NR5A1: variants seen among roughly 807,000 people sequenced by gnomAD.
The protein encoded by NR5A1 is steroidogenic factor 1.
Under a neutral mutation model 42.7 loss-of-function variants are expected in NR5A1, and 6 were observed. The ratio of observed to expected loss-of-function variants is 0.14; its 90% CI spans 0.08 to 0.28. The LOEUF (loss-of-function observed/expected upper bound fraction) is 0.28. NR5A1 is among the 10% of genes least tolerant of loss of function. The pLI, the probability that NR5A1 is intolerant of heterozygous loss-of-function variation, is 1.00. For synonymous variants in NR5A1, 274 were observed against 277.5 expected (o/e 0.99, Z 0.12); for missense variants, 442 against 626.4 (o/e 0.71, Z 3.14).
In NR5A1 at chr9:124,481,976, A is replaced by C. The variant is rs1454532840; in HGVS notation, c.*782T>G. Reference sequence around the variant, plus strand: ...AGCTTAAAAACAAAAAGCGGGGAGAAAAACCTCTTGACTACAACCTTGCAG... The same window carrying C: ...AGCTTAAAAACAAAAAGCGGGGAGACAAACCTCTTGACTACAACCTTGCAG... On this transcript the variant is annotated 3_prime_UTR_variant, in exon 7 of 7. Coordinates refer to ENST00000373588, the MANE Select transcript of NR5A1 (RefSeq NM_004959.5). The C allele has an allele frequency of 2.6e-5, 4 of 152,314 alleles. No individual in the cohort carries two copies. The allele number at this position is 152,314 out of a possible 1,614,324, so 9.4% of individuals were successfully genotyped here. A position where few individuals can be genotyped will look rare whatever the true frequency, so the allele number is the denominator to read the frequency against.
At position 124,503,414 on chromosome 9, in the gene NR5A1, C is replaced by CGGAGGGACAGCGGGTCAG; in HGVS notation, c.-15-22_-15-5dup. 1 of 1,596,002 alleles carries CGGAGGGACAGCGGGTCAG rather than the reference C, an allele frequency of 6.3e-7. No homozygotes were observed. Among genetic ancestry groups the CGGAGGGACAGCGGGTCAG allele is most frequent in the Non-Finnish European group, 8.5e-7 (1 of 1,172,426 alleles). On this transcript the variant is annotated splice_polypyrimidine_tract_variant and splice_region_variant and intron_variant, in intron 1 of 6. Coordinates refer to ENST00000373588, the MANE Select transcript of NR5A1 (RefSeq NM_004959.5). The surrounding 1 kb of genome is among the most constrained non-coding windows in gnomAD (Gnocchi z 9.6). ...AGTCCATGCCCGCGGCGTCCGCCTG[C>CGGAGGGACAGCGGGTCAG]GGAGGGACAGCGGGTCAGGGAGGGC...
chr9:124,495,626 C>T (rs146026198), intron 4 of NR5A1, among the ~76,000 whole-genome samples: 7 of 152,296 alleles, frequency 4.6e-5, no homozygotes, highest in African/African-American at 1.7e-4. Flanking sequence ...TGTCCCCCCG[C>T]CCCTCGCAGG....
At chr9:124,494,839 C>A (rs1413140155) in intron 4 of NR5A1, among the ~76,000 whole-genome samples, 1 of 152,222 alleles carries the variant, frequency 6.6e-6, no homozygotes, top group Non-Finnish European at 1.5e-5. Flanking sequence ...CACTCTCTAC[C>A]TGGGACCAGA....
intron 5 of NR5A1, 134 bp from the exon 6 acceptor site, chr9:124,491,362 AGCCTTGGTGCCGAGCC>A (rs1832306557): frequency 7.2e-6 from 5 of 696,054 alleles, no homozygotes; most frequent in Non-Finnish European, 1.2e-5. Flanking sequence ...AGGAGGGCCC[AGCCTTGGTGCCGAGCC>A]AGGCACGGGT....
intron 5 of NR5A1, among the ~76,000 whole-genome samples, chr9:124,491,980 C>A (rs1168601366): frequency 6.6e-6 from 1 of 152,136 alleles, no homozygotes. Context: ...AGACTGCAGG[C>A]ACCTGCGCTC....
At chr9:124,495,254 C>T (rs752352951) in intron 4 of NR5A1, among the ~76,000 whole-genome samples, 7 of 152,218 alleles carry the variant, frequency 4.6e-5, no homozygotes, top group Non-Finnish European at 8.8e-5. Flanking sequence ...GGGGCTGACT[C>T]GGCCATCTCT....
chr9:124,502,221 G>C (rs1486139967), intron 3 of NR5A1, among the ~76,000 whole-genome samples: 4 of 152,098 alleles, frequency 2.6e-5, no homozygotes, highest in African/African-American at 9.7e-5. Flanking sequence ...GGCACCTTCA[G>C]CTTGCCTGCA....
chr9:124,490,994 A>G, intron 6 of NR5A1, 87 bp downstream of exon 6: 1 of 1,517,858 alleles, frequency 6.6e-7, no homozygotes, highest in Non-Finnish European at 8.9e-7. Flanking sequence ...CTCTGGCCAC[A>G]GCAGGGCTAC....
chr9:124,493,059 C>T lies in NR5A1; in HGVS notation c.961G>A (p.Gly321Ser), dbSNP rs1832341180. The T allele has an allele frequency of 6.2e-7, 1 of 1,608,582 alleles. No homozygotes were observed. ...IYRQVQHGKEGSILLVTGQEV... is the reference protein window; with the variant it reads ...IYRQVQHGKESSILLVTGQEV... ...TGCCCGGTGACCAGCAGGATGCTGCCCTCCTTGCCGTGCTGGACCTGGCGG... is the reference window on the plus strand; with the variant it reads ...TGCCCGGTGACCAGCAGGATGCTGCTCTCCTTGCCGTGCTGGACCTGGCGG... Residue 321 changes from glycine to serine, a missense_variant, in exon 5 of 7, where the codon GGC becomes AGC. Physicochemically the swap from Gly to Ser is moderately conservative, Grantham distance 56. Around this residue, in one of 3 missense-constraint regions of NR5A1, gnomAD observed 163 missense variants for 265.8 expected, o/e 0.61. Transcript: ENST00000373588.
chr9:124,483,014 G>A lies in NR5A1; in HGVS notation c.1139-9C>T, dbSNP rs2131269376. The A allele has an allele frequency of 6.2e-7, 1 of 1,613,826 alleles. No homozygotes were observed. Among genetic ancestry groups the A allele is most frequent in the Non-Finnish European group, 8.5e-7 (1 of 1,180,034 alleles). ...ATTCAGGAACTTCAAATCTGCAAAG[G>A]GAGGTTCTCGGTCACCATCGCGTCA... On this transcript the variant is annotated splice_polypyrimidine_tract_variant and intron_variant, in intron 6 of 6. Transcript: ENST00000373588.
At chr9:124,502,607 C>A (rs895619018) in intron 3 of NR5A1, among the ~76,000 whole-genome samples, 7 of 152,242 alleles carry the variant, frequency 4.6e-5, no homozygotes, top group African/African-American at 1.7e-4. Flanking sequence ...GAATTACAGG[C>A]ATGAGCCGCT....
chr9:124,491,272 G>A, intron 5 of NR5A1, 44 bp from the exon 6 acceptor site: 2 of 1,499,946 alleles, frequency 1.3e-6, no homozygotes, highest in Non-Finnish European at 1.8e-6. Context: ...AGAGGACGTG[G>A]GTCCGGGCAG....
rs1832416288 is a variant in NR5A1 at position 124,498,345 on chromosome 9, T to A, written c.870+1745A>T. Among the ~76,000 whole-genome samples the A allele has an allele frequency of 6.6e-6, 1 of 152,120 alleles. No homozygotes were observed. Among genetic ancestry groups the A allele is most frequent in the South Asian group, 2.1e-4 (1 of 4,822 alleles). On this transcript the variant is annotated intron_variant, in intron 4 of 6. Transcript: ENST00000373588. This position sits in a 1 kb window ranked among gnomAD's most constrained non-coding sequence, Gnocchi z 4.6. ...TAGAGAAGCTGGTGACCACTGCTCA[T>A]AATCCCGGGCTCAATTCAAAGACTT...
Position 124,503,897 on chromosome 9 carries a change from G to C in NR5A1, c.-15-487C>G, listed in dbSNP as rs918308040. ...GGAAGAAACTCTGGCGAGAGACAAC[G>C]ACCGACGCCACCGGGCGCAGACACG... On this transcript the variant is annotated intron_variant, in intron 1 of 6. Coordinates refer to ENST00000373588, the MANE Select transcript of NR5A1 (RefSeq NM_004959.5). This position sits in a 1 kb window ranked among gnomAD's most constrained non-coding sequence, Gnocchi z 9.6. 3.9e-5 allele frequency among the ~76,000 whole-genome samples: 6 copies of C among 152,044 alleles called. No individual in the cohort carries two copies. Among genetic ancestry groups the C allele is most frequent in the Non-Finnish European group, 8.8e-5 (6 of 68,016 alleles).
Position 124,501,502 on chromosome 9 carries a change from C to G in NR5A1, c.245-787G>C, listed in dbSNP as rs1471296796. ...TGCAGCTGGAGTGTGCCCCCCGCCCCTGCTCAGACAGGGCCCCACCCTGGG... is the reference window on the plus strand; with the variant it reads ...TGCAGCTGGAGTGTGCCCCCCGCCCGTGCTCAGACAGGGCCCCACCCTGGG... On this transcript the variant is annotated intron_variant, in intron 3 of 6. Transcript: ENST00000373588. The surrounding 1 kb of genome is among the most constrained non-coding windows in gnomAD (Gnocchi z 4.1). Among the ~76,000 whole-genome samples, 1 of 152,264 alleles carries G rather than the reference C, an allele frequency of 6.6e-6. No homozygotes were observed. Among genetic ancestry groups the G allele is most frequent in the Non-Finnish European group, 1.5e-5 (1 of 68,050 alleles).
At chr9:124,487,414 G>A (rs1832232741) in intron 6 of NR5A1, among the ~76,000 whole-genome samples, 1 of 152,242 alleles carries the variant, frequency 6.6e-6, no homozygotes, top group Non-Finnish European at 1.5e-5. Context: ...TCAGGAAATC[G>A]AATGTTAGGT....
intron 6 of NR5A1, 43 bp from the exon 7 acceptor site, chr9:124,483,048 G>T: frequency 6.2e-7 from 1 of 1,610,994 alleles, no homozygotes; most frequent in Non-Finnish European, 8.5e-7. Context: ...CACCATCCAT[G>T]CCCATCAGGG....
At chr9:124,494,572 A>G (rs1832360376) in intron 4 of NR5A1, among the ~76,000 whole-genome samples, 1 of 152,194 alleles carries the variant, frequency 6.6e-6, no homozygotes, top group African/African-American at 2.4e-5. Context: ...ACTGGTGTTC[A>G]GCTCTTCTCT....
chr9:124,502,893 G>A (rs1251766482), intron 3 of NR5A1, among the ~76,000 whole-genome samples, 186 bp downstream of exon 3: 1 of 152,184 alleles, frequency 6.6e-6, no homozygotes, highest in Admixed American at 6.5e-5. Flanking sequence ...CCTTGCCAGC[G>A]TCCCTTCCCC....
Sources: gnomAD v4.1 joint callset for allele counts (sites outside exome capture counted in the v4.1 genomes callset) on GRCh38, gnomAD v4.1.1 for gene constraint, gnomAD v4.1.1 regional missense constraint, Gnocchi (gnomAD v3.1) non-coding constraint, MANE v1.5 for transcripts, NCBI Gene and HGNC (gene_info 2026-07-23, HGNC 2026-07-21) for gene names.